The following PXDNL variants were observed in gnomAD, a reference collection of about 807,000 sequenced individuals.
PXDNL encodes peroxidasin like, also known as probable oxidoreductase PXDNL.
Under a neutral mutation model 150.8 loss-of-function variants are expected in PXDNL, and 145 were observed. The observed-to-expected ratio is 0.96, with a 90% CI of 0.84 to 1.10. The LOEUF is 1.10. Among genes scored for constraint, PXDNL ranks in the 50% least tolerant of loss-of-function variants. The probability of loss-of-function intolerance (pLI) is 0.00; values close to 1 mark genes in which losing one functional copy is unlikely to be tolerated. For missense variants in PXDNL, 2,087 were observed against 1,873.9 expected, an observed-to-expected ratio of 1.11 and a Z score of -2.10; for synonymous variants, 757 against 725.7, an observed-to-expected ratio of 1.04 and a Z score of -0.69.
chr8:51,360,716 T>C (rs1291810893), intron 19 of PXDNL, among the ~76,000 whole-genome samples: 2 of 152,250 alleles, frequency 1.3e-5, no homozygotes, highest in African/African-American at 4.8e-5. Flanking sequence ...TGTAGTCTAC[T>C]CTTGTGTCAA....
intron 8 of PXDNL, among the ~76,000 whole-genome samples, chr8:51,471,525 T>C (rs12675815): frequency 0.53 from 79,716 of 151,392 alleles, 24,813 homozygotes; most frequent in Non-Finnish European, 0.69. Context: ...ATACGAACTA[T>C]CAGTTTAAAT....
chr8:51,406,036 A>T (rs1487824321), intron 17 of PXDNL, among the ~76,000 whole-genome samples: 1 of 152,218 alleles, frequency 6.6e-6, no homozygotes, highest in African/African-American at 2.4e-5. Context: ...GGCCACTCAT[A>T]CTTCACATCA....
intron 17 of PXDNL, among the ~76,000 whole-genome samples, chr8:51,398,541 CTTATAAGGA>C (rs201768757): frequency 4.8e-4 from 73 of 152,320 alleles, no homozygotes; most frequent in East Asian, 1.9e-3. Context: ...AACTTCTATC[CTTATAAGGA>C]TAAACTCTAC....
intron 14 of PXDNL, among the ~76,000 whole-genome samples, chr8:51,422,805 C>T (rs1808989479): frequency 6.6e-6 from 1 of 152,172 alleles, no homozygotes; most frequent in East Asian, 1.9e-4. Context: ...TGCAGACATG[C>T]TGTGCTTTCC....
chr8:51,735,535 T>TGTG (rs374582450), intron 1 of PXDNL, among the ~76,000 whole-genome samples: 6 of 120,124 alleles, frequency 5.0e-5, no homozygotes, highest in Non-Finnish European at 6.5e-5. Flanking sequence ...TGTTTTTTTT[T>TGTG]TTTTTTTTTT....
intron 8 of PXDNL, among the ~76,000 whole-genome samples, chr8:51,464,569 CAGAGAGTCTATTA>C (rs1216333724): frequency 4.6e-5 from 7 of 152,064 alleles, no homozygotes; most frequent in Admixed American, 3.3e-4. Flanking sequence ...TACAAAAGAC[CAGAGAGTCTATTA>C]AGAGGAAATG....
At chr8:51,744,951 A>G (rs375497598) in intron 1 of PXDNL, among the ~76,000 whole-genome samples, 9 of 4,216 alleles carry the variant, frequency 2.1e-3, no homozygotes, top group South Asian at 0.17. Context: ...AAAGAAAGAA[A>G]GAAAGAAAGA....
At chr8:51,436,031 T>C (rs1232973708) in intron 12 of PXDNL, 1 of 529,094 alleles carries the variant, frequency 1.9e-6, no homozygotes, top group Non-Finnish European at 3.9e-6. Context: ...GCTAAATTCC[T>C]TGTTCAAAAT....
intron 8 of PXDNL, among the ~76,000 whole-genome samples, chr8:51,461,621 A>G (rs1810085489): frequency 6.6e-6 from 1 of 152,176 alleles, no homozygotes; most frequent in African/African-American, 2.4e-5. Flanking sequence ...ACCCATAGAC[A>G]TATCACAAAG....
chr8:51,561,726 G>A (rs995746385), intron 3 of PXDNL, among the ~76,000 whole-genome samples: 1 of 151,758 alleles, frequency 6.6e-6, no homozygotes, highest in East Asian at 1.9e-4. Context: ...ACAGAGAGAT[G>A]GAAATGGAGA....
intron 17 of PXDNL, among the ~76,000 whole-genome samples, chr8:51,383,345 A>C (rs1807604867): frequency 6.6e-6 from 1 of 152,228 alleles, no homozygotes; most frequent in African/African-American, 2.4e-5. Flanking sequence ...TCCATATCTT[A>C]AAATGATAAT....
chr8:51,682,746 A>G (rs1246380178), intron 1 of PXDNL, among the ~76,000 whole-genome samples: 1 of 152,186 alleles, frequency 6.6e-6, no homozygotes, highest in Non-Finnish European at 1.5e-5. Context: ...AGATATGACC[A>G]TACGAGAGAG....
intron 5 of PXDNL, among the ~76,000 whole-genome samples, chr8:51,493,266 C>T (rs1810944178): frequency 6.6e-6 from 1 of 152,048 alleles, no homozygotes; most frequent in African/African-American, 2.4e-5. Context: ...GACATCTACA[C>T]CAAAACCCCA....
chr8:51,664,427 T>C (rs1390877126), intron 1 of PXDNL, among the ~76,000 whole-genome samples: 1 of 152,156 alleles, frequency 6.6e-6, no homozygotes, highest in Non-Finnish European at 1.5e-5. Flanking sequence ...TGATTTCCAC[T>C]GTTTCTGTGC....
intron 4 of PXDNL, among the ~76,000 whole-genome samples, chr8:51,514,058 G>C (rs1221182830): frequency 2.6e-5 from 4 of 152,208 alleles, no homozygotes; most frequent in Non-Finnish European, 5.9e-5. Context: ...GCCATGAATA[G>C]AACCCCTTAC....
chr8:51,638,500 A>T (rs1414934882), intron 2 of PXDNL, among the ~76,000 whole-genome samples: 1 of 152,160 alleles, frequency 6.6e-6, no homozygotes, highest in Non-Finnish European at 1.5e-5. Context: ...AAAGGAATGG[A>T]GGAAGATCTA....
At chr8:51,448,457 A>C (rs934885423) in intron 11 of PXDNL, among the ~76,000 whole-genome samples, 5 of 152,102 alleles carry the variant, frequency 3.3e-5, no homozygotes, top group African/African-American at 9.7e-5. Flanking sequence ...GCAATCCCAG[A>C]ACTTTGGGAG....
intron 5 of PXDNL, among the ~76,000 whole-genome samples, chr8:51,486,775 TATATATATATATATA>T (rs1810755919): frequency 1.0e-4 from 1 of 10,026 alleles, no homozygotes; most frequent in Non-Finnish European, 3.0e-4. Flanking sequence ...TATATATATA[TATATATATATATATA>T]TATATTTTTT....
intron 1 of PXDNL, among the ~76,000 whole-genome samples, chr8:51,741,840 T>C (rs1294439994): frequency 6.6e-6 from 1 of 152,238 alleles, no homozygotes; most frequent in African/African-American, 2.4e-5. Flanking sequence ...CAGTTTCTCA[T>C]AAAACTAAAT....
Sources: allele counts gnomAD v4.1 joint callset (sites outside exome capture counted in the v4.1 genomes callset), GRCh38; gene constraint gnomAD v4.1.1; transcripts MANE v1.5; gene names NCBI Gene and HGNC (gene_info 2026-07-23, HGNC 2026-07-21).